MX1: variants seen among roughly 807,000 people sequenced by gnomAD.
The protein encoded by MX1 is interferon-induced GTP-binding protein Mx1.
MX1 carries 66 observed loss-of-function variants against 66.4 expected under a neutral mutation model. That is an observed-to-expected ratio of 0.99 (90% CI 0.82 to 1.22). The LOEUF (loss-of-function observed/expected upper bound fraction) is 1.22. Ranked by LOEUF, MX1 falls within the 50% of genes most tolerant of loss-of-function variation. MX1 has a pLI of 0.00. For missense variants in MX1, 787 were observed against 834.3 expected, an observed-to-expected ratio of 0.94 and a Z score of 0.70; for synonymous variants, 311 against 318.1, an observed-to-expected ratio of 0.98 and a Z score of 0.24.
Position 41,443,810 on chromosome 21 carries a change from G to C in MX1, c.952G>C (p.Ala318Pro), listed in dbSNP as rs199949647. Residue 318 changes from alanine to proline, a missense_variant, in exon 11 of 17, where the codon GCC (alanine) becomes CCC (proline). Physicochemically the swap from Ala to Pro is conservative, Grantham distance 27 (BLOSUM62 -1). Transcript: ENST00000398598. ...YFRDLLEEGK[A>P]TVPCLAEKLT... ...TAGGGATCTGCTGGAGGAAGGAAAG[G>C]CCACGGTTCCCTGCCTGGCAGAAAA... 3.1e-6 allele frequency: 5 copies of C among 1,614,208 alleles called. No individual in the cohort carries two copies. Among genetic ancestry groups the C allele is most frequent in the Non-Finnish European group, 4.2e-6 (5 of 1,180,032 alleles).
chr21:41,445,853 C>T, intron 12 of MX1, 147 bp from the exon 13 acceptor site: 1 of 1,089,938 alleles, frequency 9.2e-7, no homozygotes, highest in Non-Finnish European at 1.3e-6. Flanking sequence ...TTTCTAGTGC[C>T]AAAACCTCTT....
rs778180680 is a variant in MX1, at chr21:41,446,083, C to A, written c.1215C>A (p.Thr405=). Residue 405 remains threonine (T), a synonymous_variant, in exon 13 of 17, where the codon ACC becomes ACA. Transcript: ENST00000398598. The part of the protein sequence containing the change: ...TVGEEDIRLF[T]RLRHEFHKWS... The stretch of plus-strand genomic sequence containing the variant: ...GGGAGGAAGACATTCGGCTGTTTAC[C>A]AGACTCCGACACGAGTTCCACAAAT... 6.8e-6 allele frequency: 11 copies of A among 1,614,144 alleles called. No homozygotes were observed. In the South Asian group the frequency reaches 1.2e-4, roughly 18 times the overall value.
intron 5 of MX1, among the ~76,000 whole-genome samples, chr21:41,433,809 G>A (rs187873603): frequency 1.3e-5 from 2 of 152,304 alleles, no homozygotes; most frequent in African/African-American, 4.8e-5. Flanking sequence ...GCTTTATTAT[G>A]TTTGACACAC....
Position 41,441,646 on chromosome 21 carries a change from T to G in MX1, c.731-70T>G. 3.3e-6 allele frequency: 5 copies of G among 1,513,660 alleles called. No homozygotes were observed. Among genetic ancestry groups the G allele is most frequent in the Non-Finnish European group, 4.6e-6 (5 of 1,089,724 alleles). The allele number at this position is 1,513,660 out of a possible 1,614,324, so 93.8% of individuals were successfully genotyped here. On this transcript the variant is annotated intron_variant, in intron 9 of 16. Coordinates refer to ENST00000398598, the MANE Select transcript of MX1 (RefSeq NM_002462.5). This position sits in a 1 kb window ranked among gnomAD's most constrained non-coding sequence, Gnocchi z 4.0. ...AGGAAACCCTGGGAGGCCGGGGGCG[T>G]GAGCAGTTGTTCGTTCACCTCTGCC...
intron 15 of MX1, 98 bp from the exon 16 acceptor site, chr21:41,452,523 G>T (rs748894005): frequency 7.3e-7 from 1 of 1,367,470 alleles, no homozygotes; most frequent in South Asian, 1.4e-5. Context: ...TTTCACTCAC[G>T]TTGGGTAACC....
In MX1 at chr21:41,435,988, T is replaced by C; in HGVS notation, c.257T>C (p.Val86Ala). Reference protein sequence around the residue: ...IGDQSSGKSSVLEALSGVALP... With the variant: ...IGDQSSGKSSALEALSGVALP... ...GACCAGAGCTCGGGCAAGAGCTCCG[T>C]GTTGGAGGCACTGTCAGGAGTTGCC... The change falls in exon 6 of 17, where the codon GTG becomes GCG. Residue 86 changes from valine to alanine, a missense_variant. By Grantham distance (64) the Val-to-Ala change is moderately conservative. Transcript: ENST00000398598. 1 of 1,614,224 alleles carries C rather than the reference T, an allele frequency of 6.2e-7. No individual in the cohort carries two copies. Among genetic ancestry groups the C allele is most frequent in the Admixed American group, 1.7e-5 (1 of 60,028 alleles).
intron 14 of MX1, 53 bp downstream of exon 14, chr21:41,449,348 C>G (rs1457588515): frequency 1.3e-6 from 2 of 1,556,680 alleles, no homozygotes; most frequent in African/African-American, 2.8e-5. Flanking sequence ...AGGAAAGGTT[C>G]GAACCAAAGC....
chr21:41,452,856 T>C lies in MX1; in HGVS notation c.1745T>C (p.Met582Thr), dbSNP rs1331473274. ...ATGGAGGAGATCTTTCAGCACCTGA[T>C]GGCCTATCACCAGGTACGTCTTCGC... Reference protein sequence around the residue: ...SSMEEIFQHLMAYHQEASKRI... With the variant: ...SSMEEIFQHLTAYHQEASKRI... Residue 582 changes from methionine (M) to threonine (T), a missense_variant, in exon 16 of 17, where the codon ATG (methionine) becomes ACG (threonine). Physicochemically the swap from Met to Thr is moderately conservative, Grantham distance 81. Coordinates refer to ENST00000398598, the MANE Select transcript of MX1 (RefSeq NM_002462.5). 6.2e-6 allele frequency: 10 copies of C among 1,614,046 alleles called. No homozygotes were observed. Among genetic ancestry groups the C allele is most frequent in the Admixed American group, 5.0e-5 (3 of 60,010 alleles).
intron 10 of MX1, 112 bp downstream of exon 10, chr21:41,442,026 C>CGT (rs1219885536): frequency 3.5e-4 from 119 of 338,540 alleles, no homozygotes; most frequent in Admixed American, 1.9e-3. Context: ...TGTGTGTGTG[C>CGT]GTGTGTGTGT....
At position 41,458,601 on chromosome 21, in the gene MX1, A is replaced by T; in HGVS notation, c.1832A>T (p.Gln611Leu). ...TTCATGCTCCAGACGTACGGCCAGC[A>T]GCTTCAGAAGGCCATGCTGCAGCTC... ...QFFMLQTYGQQLQKAMLQLLQ... is the reference protein window; with the variant it reads ...QFFMLQTYGQLLQKAMLQLLQ... The change falls in exon 17 of 17, where the codon CAG becomes CTG. Residue 611 changes from glutamine (Q) to leucine (L), a missense_variant. Transcript: ENST00000398598. 1 of 1,610,726 alleles carries T rather than the reference A, an allele frequency of 6.2e-7. No homozygotes were observed. Among genetic ancestry groups the T allele is most frequent in the Non-Finnish European group, 8.5e-7 (1 of 1,178,600 alleles).
At chr21:41,456,976 G>A (rs1339571487) in intron 16 of MX1, among the ~76,000 whole-genome samples, 3 of 152,146 alleles carry the variant, frequency 2.0e-5, no homozygotes, top group African/African-American at 7.2e-5. Context: ...TGGCCAGGCT[G>A]GTCTTGAACG....
At chr21:41,423,962 A>C (rs1568960422), upstream of MX1, among the ~76,000 whole-genome samples, 1 of 152,088 alleles carries the variant, frequency 6.6e-6, no homozygotes, top group Non-Finnish European at 1.5e-5. Flanking sequence ...TTGTGCCTCT[A>C]TCTGGTTATC....
At chr21:41,420,658 T>C (rs979666685) in exon 1 of MX1, 1 of 152,314 alleles carries the variant, frequency 6.6e-6, no homozygotes, top group Admixed American at 6.5e-5. Flanking sequence ...GAGGCCCGTG[T>C]TTGCAGGACC....
At chr21:41,454,011 C>T (rs2090899098) in intron 16 of MX1, among the ~76,000 whole-genome samples, 1 of 152,156 alleles carries the variant, frequency 6.6e-6, no homozygotes, top group East Asian at 1.9e-4. Flanking sequence ...AGGCAGCAGG[C>T]TCTCAGTTAA....
rs1300935727 is a variant in MX1 at position 41,441,030 on chromosome 21, G to A, written c.730+5G>A. 2 of 1,612,862 alleles carry A rather than the reference G, an allele frequency of 1.2e-6. No individual in the cohort carries two copies. Among genetic ancestry groups the A allele is most frequent in the Middle Eastern group, 1.8e-4 (1 of 5,450 alleles). On this transcript the variant is annotated splice_donor_5th_base_variant and intron_variant, in intron 9 of 16. Coordinates refer to ENST00000398598, the MANE Select transcript of MX1 (RefSeq NM_002462.5). The surrounding 1 kb of genome is among the most constrained non-coding windows in gnomAD (Gnocchi z 4.0). ...CCGAGGGAGACAGGACCATCGGTGA[G>A]AGTGGGGGAGCCCCACTGTGCTCAG... is the stretch of plus-strand genomic sequence containing the variant.
Position 41,432,175 on chromosome 21 carries a change from G to T in MX1, c.105G>T (p.Ser35=). Residue 35 remains serine (S), a splice_region_variant and synonymous_variant, in exon 5 of 17, where the codon TCG becomes TCT. Transcript: ENST00000398598. The stretch of plus-strand genomic sequence containing the variant: ...CTGTGGCCCAGAAAAATCCAGGCTC[G>T]GTAAGTTGCTCTCTGAAAGTCGCTA... ...DATVAQKNPG[S]VAENNLCSQY... 1.9e-6 allele frequency: 3 copies of T among 1,613,734 alleles called. No homozygotes were observed. The highest frequency in any genetic ancestry group is 2.5e-6 in the Non-Finnish European group (3 of 1,179,934).
In MX1 at chr21:41,457,679, T is replaced by G. The variant is rs1242591757; in HGVS notation, c.1759-849T>G. Among the ~76,000 whole-genome samples, 4 of 152,206 alleles carry G rather than the reference T, an allele frequency of 2.6e-5. No individual in the cohort carries two copies. The East Asian group carries it at 7.7e-4, about 29-fold the overall frequency. ...CCCCACATCACCCTCACTTTTTCTTTCTTTAAATTGTGCAGAAATATTCAT... is the reference window on the plus strand; with the variant it reads ...CCCCACATCACCCTCACTTTTTCTTGCTTTAAATTGTGCAGAAATATTCAT... On this transcript the variant is annotated intron_variant, in intron 16 of 16. Coordinates refer to ENST00000398598, the MANE Select transcript of MX1 (RefSeq NM_002462.5).
Position 41,430,552 on chromosome 21 carries a change from C to T in MX1, c.-78C>T, listed in dbSNP as rs2090184730. Reference sequence around the variant, plus strand: ...TTCAAGGAGGTGCAGGAGAACAGCTCTGTGATACCATTTAACTTGTTGACA... The same window carrying T: ...TTCAAGGAGGTGCAGGAGAACAGCTTTGTGATACCATTTAACTTGTTGACA... On this transcript the variant is annotated 5_prime_UTR_variant, in exon 4 of 17. Coordinates refer to ENST00000398598, the MANE Select transcript of MX1 (RefSeq NM_002462.5). The T allele has an allele frequency of 6.6e-6, 1 of 151,978 alleles. No individual in the cohort carries two copies. Among genetic ancestry groups the T allele is most frequent in the African/African-American group, 2.4e-5 (1 of 41,338 alleles). The allele number at this position is 151,978 out of a possible 1,614,324, so 9.4% of individuals were successfully genotyped here.
chr21:41,457,451 A>G (rs956649647), intron 16 of MX1, among the ~76,000 whole-genome samples: 3 of 152,210 alleles, frequency 2.0e-5, no homozygotes, highest in African/African-American at 7.2e-5. Context: ...TAACTGTTAC[A>G]TGATACCTTT....
Sources: allele counts gnomAD v4.1 joint callset (sites outside exome capture counted in the v4.1 genomes callset), GRCh38; gene constraint gnomAD v4.1.1; non-coding constraint Gnocchi (gnomAD v3.1); transcripts MANE v1.5; gene names NCBI Gene and HGNC (gene_info 2026-07-23, HGNC 2026-07-21).